DOCK3: variants seen among roughly 807,000 people sequenced by gnomAD.
DOCK3 encodes dedicator of cytokinesis 3, also known as dedicator of cytokinesis protein 3.
Under a neutral mutation model 265.6 loss-of-function variants are expected in DOCK3, and 60 were observed. The observed-to-expected ratio is 0.23, with a 90% CI of 0.18 to 0.28. The LOEUF (loss-of-function observed/expected upper bound fraction) is 0.28, where lower values mean the gene tolerates loss of function less well. Among genes scored for constraint, DOCK3 ranks in the 10% least tolerant of loss-of-function variants. The pLI is 1.00. For synonymous variants in DOCK3, 881 were observed against 938.0 expected, an observed-to-expected ratio of 0.94 and a Z score of 1.11; for missense variants, 1,981 against 2,594.3, an observed-to-expected ratio of 0.76 and a Z score of 5.14.
At chr3:51,201,990 A>G (rs1198644878) in intron 12 of DOCK3, among the ~76,000 whole-genome samples, 2 of 152,228 alleles carry the variant, frequency 1.3e-5, no homozygotes, top group Non-Finnish European at 2.9e-5. Context: ...CAAAGACACA[A>G]CATACCAGAA....
At chr3:50,978,375 A>T (rs946232932) in intron 5 of DOCK3, among the ~76,000 whole-genome samples, 15 of 151,176 alleles carry the variant, frequency 9.9e-5, no homozygotes, top group Non-Finnish European at 1.8e-4. Context: ...CAGGACCCTC[A>T]GCTGCAGGTC....
chr3:51,331,710 C>T (rs921457189), intron 33 of DOCK3, among the ~76,000 whole-genome samples: 4 of 152,144 alleles, frequency 2.6e-5, no homozygotes, highest in Admixed American at 2.6e-4. Context: ...GTAATCCCAG[C>T]TACTTGGGAG....
At chr3:51,258,557 G>A (rs1158716613) in intron 22 of DOCK3, among the ~76,000 whole-genome samples, 2 of 152,056 alleles carry the variant, frequency 1.3e-5, no homozygotes, top group Non-Finnish European at 2.9e-5. Flanking sequence ...AGGCTGGAGT[G>A]CGGTGGCGTG....
At chr3:50,961,115 G>C (rs974789983) in intron 5 of DOCK3, among the ~76,000 whole-genome samples, 1 of 152,144 alleles carries the variant, frequency 6.6e-6, no homozygotes, top group African/African-American at 2.4e-5. Context: ...TAGTTTTATA[G>C]TAATTGTAAA....
intron 3 of DOCK3, among the ~76,000 whole-genome samples, chr3:50,859,976 A>G (rs573575955): frequency 2.6e-5 from 4 of 152,176 alleles, no homozygotes; most frequent in African/African-American, 7.2e-5. Context: ...TTTCTTTCCC[A>G]GCTTAGAGGC....
At chr3:50,797,045 G>A (rs918414729) in intron 2 of DOCK3, among the ~76,000 whole-genome samples, 1 of 152,194 alleles carries the variant, frequency 6.6e-6, no homozygotes, top group Non-Finnish European at 1.5e-5. Context: ...GTAGTGTGGT[G>A]GCAGCAGGAT....
intron 10 of DOCK3, among the ~76,000 whole-genome samples, chr3:51,157,040 T>A (rs1223280990): frequency 6.6e-6 from 1 of 152,206 alleles, no homozygotes; most frequent in African/African-American, 2.4e-5. Context: ...TTTAATAATA[T>A]TATTTTTAAT....
chr3:51,264,604 G>A (rs1047043016), intron 23 of DOCK3, among the ~76,000 whole-genome samples: 29 of 151,854 alleles, frequency 1.9e-4, no homozygotes, highest in African/African-American at 6.3e-4. Context: ...GAGGCGGGCA[G>A]ATCATGAGGT....
intron 6 of DOCK3, among the ~76,000 whole-genome samples, chr3:51,066,102 A>T (rs2081582066): frequency 6.6e-6 from 1 of 152,192 alleles, no homozygotes; most frequent in African/African-American, 2.4e-5. Context: ...ATTTTATGTA[A>T]TCCCTAGGAA....
At chr3:51,106,490 C>G (rs2083285217) in intron 9 of DOCK3, among the ~76,000 whole-genome samples, 1 of 152,202 alleles carries the variant, frequency 6.6e-6, no homozygotes, top group African/African-American at 2.4e-5. Context: ...TGCACCCTGC[C>G]ATGCCACACC....
In DOCK3 at chr3:51,350,299, C is replaced by T. The variant is rs1230041909; in HGVS notation, c.4014C>T (p.Ala1338=). ...TTTCTCATTCACAGAAAATGGAGGC[C>T]AGCTACTATGACAACATTATGGAGC... is the stretch of plus-strand genomic sequence containing the variant. The part of the protein sequence containing the change: ...QSLSWIRKME[A]SYYDNIMEQQ... The change falls in exon 40 of 53, where the codon GCC becomes GCT. Residue 1338 remains alanine, a synonymous_variant. Coordinates refer to ENST00000266037, the MANE Select transcript of DOCK3 (RefSeq NM_004947.5). 6.2e-7 allele frequency: 1 copy of T among 1,602,026 alleles called. No individual in the cohort carries two copies. Among genetic ancestry groups the T allele is most frequent in the Non-Finnish European group, 8.5e-7 (1 of 1,176,930 alleles).
At chr3:50,850,194 A>G (rs924538840) in intron 3 of DOCK3, among the ~76,000 whole-genome samples, 3 of 151,784 alleles carry the variant, frequency 2.0e-5, no homozygotes, top group Non-Finnish European at 1.5e-5. Flanking sequence ...CAGCTTGGCC[A>G]ACATGGCAAA....
At chr3:51,303,490 A>C (rs1278361205) in intron 27 of DOCK3, among the ~76,000 whole-genome samples, 2 of 152,156 alleles carry the variant, frequency 1.3e-5, no homozygotes, top group Admixed American at 1.3e-4. Flanking sequence ...GAGAAGAGAC[A>C]TTCTGCCTTT....
At chr3:50,879,581 C>G (rs911933130) in intron 3 of DOCK3, among the ~76,000 whole-genome samples, 1 of 152,048 alleles carries the variant, frequency 6.6e-6, no homozygotes, top group Admixed American at 6.6e-5. Flanking sequence ...AAGAGCTGAC[C>G]AGCCTAAATA....
At chr3:50,972,780 T>C (rs1343633464) in intron 5 of DOCK3, among the ~76,000 whole-genome samples, 1 of 152,232 alleles carries the variant, frequency 6.6e-6, no homozygotes. Context: ...GTGTCTGTTT[T>C]TGTACCAGTA....
At chr3:51,161,091 A>C (rs1212480761) in intron 12 of DOCK3, among the ~76,000 whole-genome samples, 3 of 150,714 alleles carry the variant, frequency 2.0e-5, no homozygotes, top group African/African-American at 4.9e-5. Flanking sequence ...AAAAAAAAAA[A>C]AACAAAAACA....
chr3:51,023,046 A>G (rs2079661186), intron 5 of DOCK3, among the ~76,000 whole-genome samples: 1 of 152,184 alleles, frequency 6.6e-6, no homozygotes, highest in Admixed American at 6.5e-5. Context: ...TCTTTTTGCA[A>G]TGAATTTTCT....
chr3:51,375,261 G>T (rs928493307), intron 50 of DOCK3, among the ~76,000 whole-genome samples: 15 of 152,220 alleles, frequency 9.9e-5, no homozygotes, highest in Admixed American at 9.8e-4. Context: ...CCAGGTAGAG[G>T]GATGAGATCT....
chr3:51,184,999 C>G (rs2087513166), intron 12 of DOCK3, among the ~76,000 whole-genome samples: 3 of 152,228 alleles, frequency 2.0e-5, no homozygotes, highest in East Asian at 3.9e-4. Context: ...CCTGAAAACT[C>G]TACAAAATAC....
Sources: gnomAD v4.1 joint callset for allele counts (sites outside exome capture counted in the v4.1 genomes callset) on GRCh38, gnomAD v4.1.1 for gene constraint, MANE v1.5 for transcripts, NCBI Gene and HGNC (gene_info 2026-07-23, HGNC 2026-07-21) for gene names.